The following ZNRF2 variants were observed in gnomAD, a reference collection of about 807,000 sequenced individuals.
The protein encoded by ZNRF2 is zinc and ring finger 2.
A neutral mutation model predicts 20.4 loss-of-function variants in ZNRF2; 16 were observed. The ratio of observed to expected loss-of-function variants is 0.79; its 90% confidence interval spans 0.53 to 1.19. ZNRF2 has a LOEUF of 1.19. Among genes scored for constraint, ZNRF2 ranks in the 50% most tolerant of loss-of-function variants. The pLI, the probability that ZNRF2 is intolerant of heterozygous loss-of-function variation, is 0.00. For synonymous variants in ZNRF2, 178 were observed against 144.9 expected (o/e 1.23, Z -1.64); for missense variants, 363 against 332.4 (o/e 1.09, Z -0.72).
chr7:30,362,230 T>A (rs962082608), intron 3 of ZNRF2, 147 bp from the exon 4 acceptor site: 8 of 469,630 alleles, frequency 1.7e-5, no homozygotes, highest in Non-Finnish European at 3.0e-5. Flanking sequence ...AACATTCTTA[T>A]CTGTTGCTTA....
chr7:30,360,174 A>G (rs1800104370), intron 3 of ZNRF2, among the ~76,000 whole-genome samples: 1 of 152,224 alleles, frequency 6.6e-6, no homozygotes, highest in Non-Finnish European at 1.5e-5. Flanking sequence ...AAGGCAATAA[A>G]GAGTTTCTGC....
chr7:30,326,384 G>A (rs1280511970), intron 2 of ZNRF2, among the ~76,000 whole-genome samples: 6 of 152,120 alleles, frequency 3.9e-5, no homozygotes, highest in African/African-American at 1.2e-4. Context: ...GAGAACGTGC[G>A]GAATTTGCTT....
chr7:30,295,401 A>G (rs1261455870), intron 1 of ZNRF2, among the ~76,000 whole-genome samples: 1 of 151,846 alleles, frequency 6.6e-6, no homozygotes, highest in Non-Finnish European at 1.5e-5. Flanking sequence ...GTTCCTCTGT[A>G]CCTCCGTTTT....
intron 2 of ZNRF2, among the ~76,000 whole-genome samples, chr7:30,327,802 A>G (rs1269090207): frequency 6.6e-6 from 1 of 152,078 alleles, no homozygotes; most frequent in East Asian, 1.9e-4. Flanking sequence ...CCTGGGCACA[A>G]GTGATCCTCC....
At chr7:30,321,250 C>T (rs1056530095) in intron 1 of ZNRF2, among the ~76,000 whole-genome samples, 1 of 151,950 alleles carries the variant, frequency 6.6e-6, no homozygotes, top group African/African-American at 2.4e-5. Flanking sequence ...TTCAGTCAGT[C>T]TAGATTTTAG....
At chr7:30,298,600 A>G (rs4000226) in intron 1 of ZNRF2, among the ~76,000 whole-genome samples, 8 of 151,804 alleles carry the variant, frequency 5.3e-5, no homozygotes, top group African/African-American at 1.5e-4. Flanking sequence ...AATACTCAAA[A>G]TGATACTTTC....
intron 1 of ZNRF2, among the ~76,000 whole-genome samples, chr7:30,299,413 A>T (rs1799072170): frequency 6.7e-6 from 1 of 148,774 alleles, no homozygotes; most frequent in African/African-American, 2.5e-5. Context: ...GGGCGAAACT[A>T]TGTCTCAAAA....
intron 2 of ZNRF2, among the ~76,000 whole-genome samples, chr7:30,352,076 G>GT (rs34764661): frequency 0.056 from 8,434 of 151,930 alleles, 576 homozygotes; most frequent in African/African-American, 0.16. Context: ...TTTGTATAGT[G>GT]TTTTTTTATA....
At chr7:30,323,379 A>G (rs889881723) in intron 1 of ZNRF2, among the ~76,000 whole-genome samples, 2 of 152,226 alleles carry the variant, frequency 1.3e-5, no homozygotes, top group Non-Finnish European at 2.9e-5. Flanking sequence ...CCAGTACATC[A>G]GAGAGAGATA....
intron 2 of ZNRF2, among the ~76,000 whole-genome samples, chr7:30,331,055 T>TTAAA (rs1799629065): frequency 1.3e-5 from 2 of 152,212 alleles, no homozygotes; most frequent in Admixed American, 1.3e-4. Context: ...TGGAGTGATG[T>TTAAA]TAAAGGCAAT....
intron 3 of ZNRF2, among the ~76,000 whole-genome samples, chr7:30,357,445 T>G (rs1800058461): frequency 6.6e-6 from 1 of 152,164 alleles, no homozygotes; most frequent in Non-Finnish European, 1.5e-5. Context: ...ACAGTGATGT[T>G]TTTGGCAAGT....
At chr7:30,323,524 T>C (rs1799507586) in intron 1 of ZNRF2, 118 bp from the exon 2 acceptor site, 6 of 602,572 alleles carry the variant, frequency 1.0e-5, no homozygotes, top group Admixed American at 6.7e-5. Context: ...ACATAAACAG[T>C]GTAATGCAGT....
intron 1 of ZNRF2, among the ~76,000 whole-genome samples, chr7:30,317,416 A>C (rs1471500970): frequency 6.6e-6 from 1 of 152,242 alleles, no homozygotes; most frequent in East Asian, 1.9e-4. Context: ...GTTCTCTAAA[A>C]GATTTCATTG....
chr7:30,296,879 G>A (rs565928849), intron 1 of ZNRF2, among the ~76,000 whole-genome samples: 2 of 152,174 alleles, frequency 1.3e-5, no homozygotes, highest in Admixed American at 6.5e-5. Context: ...CATAAGCACT[G>A]TCTCTTTTGA....
chr7:30,290,098 C>T (rs1798873916), intron 1 of ZNRF2, among the ~76,000 whole-genome samples: 1 of 152,074 alleles, frequency 6.6e-6, no homozygotes. Flanking sequence ...GTAGGAACTG[C>T]TTTATGTAGC....
intron 2 of ZNRF2, among the ~76,000 whole-genome samples, chr7:30,327,533 A>G (rs1466124677): frequency 6.6e-6 from 1 of 152,038 alleles, no homozygotes; most frequent in East Asian, 1.9e-4. Flanking sequence ...GAACTAATAT[A>G]TAACCTTCTG....
intron 1 of ZNRF2, among the ~76,000 whole-genome samples, chr7:30,322,584 T>C (rs751939495): frequency 1.4e-4 from 22 of 152,194 alleles, no homozygotes; most frequent in Non-Finnish European, 2.6e-4. Context: ...CCACTGTCTC[T>C]CTTTTACTTA....
chr7:30,350,699 T>C (rs1799949014), intron 2 of ZNRF2, among the ~76,000 whole-genome samples: 1 of 152,066 alleles, frequency 6.6e-6, no homozygotes, highest in African/African-American at 2.4e-5. Flanking sequence ...CCCAACTTTT[T>C]GTTCTTTGAG....
chr7:30,285,955 G>A (rs1270158735), intron 1 of ZNRF2, 129 bp downstream of exon 1: 1 of 1,320,830 alleles, frequency 7.6e-7, no homozygotes, highest in Non-Finnish European at 9.7e-7. Flanking sequence ...TCCCGGACCA[G>A]CCCGCGTCGG....
Sources: allele counts gnomAD v4.1 joint callset (sites outside exome capture counted in the v4.1 genomes callset), GRCh38; gene constraint gnomAD v4.1.1; transcripts MANE v1.5; gene names NCBI Gene and HGNC (gene_info 2026-07-23, HGNC 2026-07-21).